Variants in GUCY2C observed in about 807,000 individuals in gnomAD.
GUCY2C encodes guanylyl cyclase C.
In GUCY2C, 118 loss-of-function variants were observed where a neutral mutation model predicts 131.1. The ratio of observed to expected loss-of-function variants is 0.90; its 90% CI spans 0.78 to 1.05. The LOEUF is 1.05. Ranked by LOEUF, GUCY2C falls within the 50% of genes least tolerant of loss-of-function variation. The pLI is 0.00. For synonymous variants in GUCY2C, 452 were observed against 457.8 expected, an observed-to-expected ratio of 0.99 and a Z score of 0.16; for missense variants, 1,161 against 1,304.4, an observed-to-expected ratio of 0.89 and a Z score of 1.69.
intron 17 of GUCY2C, 62 bp from the exon 18 acceptor site, chr12:14,641,281 C>G (rs1947398575): frequency 1.4e-5 from 21 of 1,511,986 alleles, no homozygotes; most frequent in Non-Finnish European, 1.8e-5. Context: ...AGGCCTCCAA[C>G]CTGCTTTTGC....
At chr12:14,667,171 A>T (rs915602315) in intron 10 of GUCY2C, among the ~76,000 whole-genome samples, 3 of 152,236 alleles carry the variant, frequency 2.0e-5, no homozygotes, top group African/African-American at 7.2e-5. Context: ...AAGGAAATAC[A>T]TTAAAAACAC....
At chr12:14,628,180 T>C (rs1947062457) in intron 20 of GUCY2C, among the ~76,000 whole-genome samples, 1 of 152,206 alleles carries the variant, frequency 6.6e-6, no homozygotes, top group Non-Finnish European at 1.5e-5. Context: ...GATAATTGTG[T>C]ACTTTTCTCC....
intron 23 of GUCY2C, among the ~76,000 whole-genome samples, chr12:14,620,419 T>C (rs775030439): frequency 1.2e-4 from 19 of 152,222 alleles, no homozygotes; most frequent in Admixed American, 8.5e-4. Context: ...ACCTTGCCCA[T>C]TGAAGCTCTC....
At chr12:14,693,194 T>C (rs569907824) in intron 1 of GUCY2C, among the ~76,000 whole-genome samples, 1 of 152,198 alleles carries the variant, frequency 6.6e-6, no homozygotes, top group East Asian at 1.9e-4. Context: ...CTGAACAATA[T>C]GGGGCGAGCT....
At chr12:14,629,129 C>T (rs1947090129) in intron 19 of GUCY2C, among the ~76,000 whole-genome samples, 1 of 152,108 alleles carries the variant, frequency 6.6e-6, no homozygotes, top group African/African-American at 2.4e-5. Context: ...AGCCAGTGCC[C>T]TTATACAAAG....
chr12:14,660,837 T>C, intron 11 of GUCY2C, 144 bp downstream of exon 11: 1 of 624,596 alleles, frequency 1.6e-6, no homozygotes, highest in Non-Finnish European at 2.9e-6. Context: ...AGTTAGTCTT[T>C]GATGCAGAAT....
In GUCY2C at chr12:14,616,712, A is replaced by C; in HGVS notation, c.2891T>G (p.Val964Gly). ...ESTGLPLRIH[V>G]SGSTIAILKR... Reference sequence around the variant, plus strand: ...CAGGATGGCTATGGTGGAGCCACTCACGTGAATTCTCAAAGCTGGAAATGC... The same window carrying C: ...CAGGATGGCTATGGTGGAGCCACTCCCGTGAATTCTCAAAGCTGGAAATGC... Residue 964 changes from valine (V) to glycine (G), a missense_variant, in exon 25 of 27, where the codon GTG (valine) becomes GGG (glycine). Coordinates refer to ENST00000261170, the MANE Select transcript of GUCY2C (RefSeq NM_004963.4). 2 of 1,601,050 alleles carry C rather than the reference A, an allele frequency of 1.2e-6. No homozygotes were observed. Among genetic ancestry groups the C allele is most frequent in the Non-Finnish European group, 1.7e-6 (2 of 1,168,174 alleles).
chr12:14,657,353 C>T (rs1947783964), intron 11 of GUCY2C, among the ~76,000 whole-genome samples: 3 of 152,210 alleles, frequency 2.0e-5, no homozygotes, highest in Admixed American at 6.5e-5. Context: ...TCTTACCCAT[C>T]TGTGCCTTTT....
chr12:14,678,157 A>T (rs541318573), intron 6 of GUCY2C, among the ~76,000 whole-genome samples: 1 of 152,246 alleles, frequency 6.6e-6, no homozygotes, highest in East Asian at 1.9e-4. Flanking sequence ...TGAGAACTGT[A>T]TTGGATATTT....
intron 11 of GUCY2C, among the ~76,000 whole-genome samples, chr12:14,658,397 A>G (rs1947801111): frequency 6.6e-6 from 1 of 152,086 alleles, no homozygotes; most frequent in Admixed American, 6.6e-5. Context: ...TTTTTATTGG[A>G]CAGGCACAGT....
intron 17 of GUCY2C, among the ~76,000 whole-genome samples, 175 bp from the exon 18 acceptor site, chr12:14,641,394 G>T (rs184578142): frequency 1.3e-5 from 2 of 152,182 alleles, no homozygotes; most frequent in Admixed American, 1.3e-4. Flanking sequence ...GCTAATCCTG[G>T]TGATCAAAGG....
chr12:14,666,833 T>C (rs1046299859), intron 10 of GUCY2C, among the ~76,000 whole-genome samples: 46 of 152,152 alleles, frequency 3.0e-4, no homozygotes, highest in African/African-American at 1.1e-3. Flanking sequence ...TTAACTCCTA[T>C]ATTATTGCTT....
At chr12:14,633,829 G>C (rs1365608603) in intron 19 of GUCY2C, among the ~76,000 whole-genome samples, 4 of 151,934 alleles carry the variant, frequency 2.6e-5, no homozygotes, top group African/African-American at 9.7e-5. Flanking sequence ...AGAACTTGAA[G>C]ACAGGTCTTT....
chr12:14,643,516 C>T, intron 17 of GUCY2C, 58 bp downstream of exon 17: 1 of 1,530,632 alleles, frequency 6.5e-7, no homozygotes, highest in East Asian at 2.3e-5. Flanking sequence ...GACCACGCTA[C>T]ATGGGTTTGA....
At position 14,696,460 on chromosome 12, in the gene GUCY2C, C is replaced by T. The variant is rs148552421; in HGVS notation, c.-12G>A. The T allele has an allele frequency of 3.1e-5, 50 of 1,605,454 alleles. No individual in the cohort carries two copies. The highest frequency in any genetic ancestry group is 1.9e-4 in the Middle Eastern group (1 of 5,336). On this transcript the variant is annotated 5_prime_UTR_variant, in exon 1 of 27. The change creates a new upstream start codon in the 5' untranslated region. Coordinates refer to ENST00000261170, the MANE Select transcript of GUCY2C (RefSeq NM_004963.4). ...AGCAACGTCTTCATGACCCCAATCA[C>T]GTTAGAACCATACTCCTTGTGCCCA...
rs1947070090 is a variant in GUCY2C at position 14,628,518 on chromosome 12, A to G, written c.2249+128T>C. ...CCATATCATTTTAATGTTATGAGGC[A>G]GTTGTTGGTTGCCACCTGGGATTTT... On this transcript the variant is annotated intron_variant, in intron 20 of 26. Transcript: ENST00000261170. The G allele has an allele frequency of 1.1e-5, 7 of 638,048 alleles. No homozygotes were observed. The South Asian group carries it at 1.3e-4, about 12-fold the overall frequency. The allele number at this position is 638,048 out of a possible 1,614,324, so 39.5% of individuals were successfully genotyped here. A position where few individuals can be genotyped will look rare whatever the true frequency, so the allele number is the denominator to read the frequency against.
At chr12:14,667,646 G>T (rs1186143552) in intron 10 of GUCY2C, among the ~76,000 whole-genome samples, 1 of 152,152 alleles carries the variant, frequency 6.6e-6, no homozygotes, top group Non-Finnish European at 1.5e-5. Context: ...TCTGGCTGTA[G>T]AGCGGGGCTG....
At chr12:14,686,254 C>A in intron 2 of GUCY2C, 29 bp from the exon 3 acceptor site, 1 of 1,513,158 alleles carries the variant, frequency 6.6e-7, no homozygotes, top group East Asian at 2.3e-5. Flanking sequence ...CAATGAATTC[C>A]TAGAACTAAG....
In GUCY2C at chr12:14,642,870, G is replaced by T. The variant is rs114718361; in HGVS notation, c.1930+704C>A. ...AGAATCGCAATTTTCCTTTTATTAA[G>T]GAAAAACGAAAGGATTGCAAAGTTG... On this transcript the variant is annotated intron_variant, in intron 17 of 26. Coordinates refer to ENST00000261170, the MANE Select transcript of GUCY2C (RefSeq NM_004963.4). 4.6e-3 allele frequency among the ~76,000 whole-genome samples: 698 copies of T among 152,188 alleles called. 7 individuals are homozygous for T. Among genetic ancestry groups the T allele is most frequent in the African/African-American group, 0.016 (661 of 41,528 alleles).
Sources: allele counts gnomAD v4.1 joint callset (sites outside exome capture counted in the v4.1 genomes callset), GRCh38; gene constraint gnomAD v4.1.1; transcripts MANE v1.5; gene names NCBI Gene and HGNC (gene_info 2026-07-23, HGNC 2026-07-21).